CNTN4: variants seen among roughly 807,000 people sequenced by gnomAD.
CNTN4 encodes contactin-4.
A neutral mutation model predicts 122.5 loss-of-function variants in CNTN4; 77 were observed. The ratio of observed to expected loss-of-function variants is 0.63; its 90% CI spans 0.52 to 0.76. The LOEUF (loss-of-function observed/expected upper bound fraction) is 0.76. Ranked by LOEUF, CNTN4 falls within the 30% of genes least tolerant of loss-of-function variation. The probability of loss-of-function intolerance (pLI) is 0.00; values close to 1 mark genes in which losing one functional copy is unlikely to be tolerated. For synonymous variants in CNTN4, 512 were observed against 447.0 expected, an observed-to-expected ratio of 1.15 and a Z score of -1.83; for missense variants, 1,256 against 1,259.1, an observed-to-expected ratio of 1.00 and a Z score of 0.04.
intron 6 of CNTN4, among the ~76,000 whole-genome samples, chr3:2,784,396 C>G (rs144045002): frequency 1.3e-5 from 2 of 152,068 alleles, no homozygotes; most frequent in African/African-American, 4.8e-5. Context: ...GTTTGATCTT[C>G]GAAACACAAT....
At chr3:2,892,017 A>G (rs1284624440) in intron 10 of CNTN4, among the ~76,000 whole-genome samples, 1 of 152,236 alleles carries the variant, frequency 6.6e-6, no homozygotes, top group African/African-American at 2.4e-5. Context: ...TAGAGCCAAT[A>G]GGATATGCTC....
intron 4 of CNTN4, among the ~76,000 whole-genome samples, chr3:2,597,612 T>A (rs1332298371): frequency 1.3e-5 from 2 of 152,116 alleles, no homozygotes. Context: ...CCTGAAGGCA[T>A]GCATAAAAGA....
At chr3:2,259,114 G>T (rs1262735477) in intron 2 of CNTN4, among the ~76,000 whole-genome samples, 2 of 151,728 alleles carry the variant, frequency 1.3e-5, no homozygotes, top group African/African-American at 4.8e-5. Context: ...GTAAATTTGA[G>T]GCCATTTTTC....
At chr3:3,012,342 C>T (rs1009518948) in intron 14 of CNTN4, among the ~76,000 whole-genome samples, 1 of 152,224 alleles carries the variant, frequency 6.6e-6, no homozygotes, top group East Asian at 1.9e-4. Flanking sequence ...CTGAGGTAAA[C>T]GTGGAGGCAT....
chr3:2,575,806 CTTCTTTTTTTTTTTT>C (rs1405138570), intron 4 of CNTN4, among the ~76,000 whole-genome samples: 32 of 106,720 alleles, frequency 3.0e-4, no homozygotes, highest in African/African-American at 1.1e-3. Context: ...CTTTCTTCTT[CTTCTTTTTTTTTTTT>C]TTTTTTTTTT....
chr3:2,296,844 A>G, intron 2 of CNTN4, among the ~76,000 whole-genome samples: 1 of 152,020 alleles, frequency 6.6e-6, no homozygotes, highest in Non-Finnish European at 1.5e-5. Flanking sequence ...ATTGGATTGT[A>G]ACAGAAAACT....
intron 13 of CNTN4, among the ~76,000 whole-genome samples, chr3:2,944,752 C>T (rs1005484670): frequency 6.6e-6 from 1 of 152,114 alleles, no homozygotes; most frequent in Non-Finnish European, 1.5e-5. Context: ...CCTTAGATTG[C>T]GTGTCCTGAA....
chr3:3,022,785 T>G (rs943596765), intron 14 of CNTN4, among the ~76,000 whole-genome samples: 2 of 152,170 alleles, frequency 1.3e-5, no homozygotes, highest in African/African-American at 4.8e-5. Flanking sequence ...TTTTTAAGCA[T>G]CAGTCCTCTG....
Position 2,484,459 on chromosome 3 carries a change from G to C in CNTN4, c.-88-86957G>C, listed in dbSNP as rs537281919. Among the ~76,000 whole-genome samples, 8 of 152,266 alleles carry C rather than the reference G, an allele frequency of 5.3e-5. No homozygotes were observed. In the South Asian group the frequency reaches 1.0e-3, roughly 20 times the overall value. ...GTGATGCTTTGGGCTTCCCTGGCATGCAGTGACTCTTATAACTGTGTATTC... is the reference window on the plus strand; with the variant it reads ...GTGATGCTTTGGGCTTCCCTGGCATCCAGTGACTCTTATAACTGTGTATTC... On this transcript the variant is annotated intron_variant, in intron 3 of 24. Transcript: ENST00000418658.
intron 2 of CNTN4, among the ~76,000 whole-genome samples, chr3:2,143,304 G>C (rs900068943): frequency 6.6e-6 from 1 of 152,070 alleles, no homozygotes; most frequent in East Asian, 1.9e-4. Flanking sequence ...TATTCTGGTG[G>C]CTAATGAAGT....
At chr3:3,027,542 A>G (rs1484217140) in intron 15 of CNTN4, among the ~76,000 whole-genome samples, 3 of 152,228 alleles carry the variant, frequency 2.0e-5, no homozygotes, top group African/African-American at 7.2e-5. Context: ...CCCAATGTCT[A>G]CCACAAAAGA....
intron 4 of CNTN4, among the ~76,000 whole-genome samples, chr3:2,732,626 T>G (rs73009844): frequency 6.6e-6 from 1 of 152,272 alleles, no homozygotes; most frequent in Non-Finnish European, 1.5e-5. Context: ...TAGAACAAAC[T>G]TAGGGATGCC....
intron 2 of CNTN4, among the ~76,000 whole-genome samples, chr3:2,189,244 T>C (rs2037412827): frequency 1.3e-5 from 2 of 152,078 alleles, no homozygotes; most frequent in South Asian, 4.1e-4. Context: ...GTCTGTGATG[T>C]GTGAAGAGAA....
At position 2,366,538 on chromosome 3, in the gene CNTN4, T is replaced by C. The variant is rs574616298; in HGVS notation, c.-89+27305T>C. ...GTCAGGAGATCGAGACCATCCTGGC[T>C]AACATGGTGAAACCCTGTCTCCACT... On this transcript the variant is annotated intron_variant, in intron 3 of 24. Transcript: ENST00000418658. Among the ~76,000 whole-genome samples the C allele has an allele frequency of 4.5e-3, 688 of 152,054 alleles. 8 individuals carry two copies. The highest frequency in any genetic ancestry group is 0.015 in the African/African-American group (625 of 41,486).
At chr3:2,463,593 C>A (rs1279424711) in intron 3 of CNTN4, among the ~76,000 whole-genome samples, 1 of 152,012 alleles carries the variant, frequency 6.6e-6, no homozygotes, top group African/African-American at 2.4e-5. Context: ...AACCCCATCT[C>A]TACTAAAATA....
intron 4 of CNTN4, among the ~76,000 whole-genome samples, chr3:2,617,077 A>G (rs2081780790): frequency 6.6e-6 from 1 of 152,240 alleles, no homozygotes; most frequent in South Asian, 2.1e-4. Flanking sequence ...GGACACGGGC[A>G]CGGGCAAAGA....
chr3:3,027,066 G>A (rs1472585558), intron 15 of CNTN4, among the ~76,000 whole-genome samples: 2 of 152,076 alleles, frequency 1.3e-5, no homozygotes, highest in African/African-American at 4.8e-5. Flanking sequence ...CACTTCCTAG[G>A]CTGCTATAAA....
intron 12 of CNTN4, among the ~76,000 whole-genome samples, chr3:2,922,818 C>A (rs2094441715): frequency 1.3e-5 from 2 of 152,002 alleles, no homozygotes; most frequent in Admixed American, 1.3e-4. Flanking sequence ...GCCATGTTGG[C>A]CAGGCTGGTC....
rs1260718593 is a variant in CNTN4 at position 2,705,685 on chromosome 3, A to T, written c.56-30530A>T. Among the ~76,000 whole-genome samples, 10 of 94,964 alleles carry T rather than the reference A, an allele frequency of 1.1e-4. No homozygotes were observed. In the East Asian group the frequency reaches 3.3e-3, roughly 32 times the overall value. The allele number at this position is 94,964 out of a possible 152,430, so 62.3% of individuals were successfully genotyped here. A position where few individuals can be genotyped will look rare whatever the true frequency, so the allele number is the denominator to read the frequency against. On this transcript the variant is annotated intron_variant, in intron 4 of 24. Coordinates refer to ENST00000418658, the MANE Select transcript of CNTN4 (RefSeq NM_175607.3). ...TATATATTTATATATTGTATATTAT[A>T]TATAAATAAATATATAAAATATATA...
Sources: allele counts gnomAD v4.1 joint callset (sites outside exome capture counted in the v4.1 genomes callset), GRCh38; gene constraint gnomAD v4.1.1; transcripts MANE v1.5; gene names NCBI Gene and HGNC (gene_info 2026-07-23, HGNC 2026-07-21).